The following SLC38A1 variants were observed in gnomAD, a reference collection of about 807,000 sequenced individuals.
SLC38A1 encodes solute carrier family 38 member 1, also known as sodium-coupled neutral amino acid symporter 1.
In SLC38A1, 18 loss-of-function variants were observed where a neutral mutation model predicts 60.3. That is an observed-to-expected ratio of 0.30 (90% CI 0.21 to 0.44). The LOEUF is 0.44. Among genes scored for constraint, SLC38A1 ranks in the 20% least tolerant of loss-of-function variants. The pLI is 1.00. For synonymous variants in SLC38A1, 196 were observed against 212.1 expected, an observed-to-expected ratio of 0.92 and a Z score of 0.66; for missense variants, 448 against 587.2, an observed-to-expected ratio of 0.76 and a Z score of 2.45.
chr12:46,226,254 T>C (rs1234382986), intron 5 of SLC38A1, among the ~76,000 whole-genome samples: 1 of 152,116 alleles, frequency 6.6e-6, no homozygotes, highest in Non-Finnish European at 1.5e-5. Context: ...AACATACAAA[T>C]CTTTTTCTAC....
chr12:46,257,735 C>T (rs912748960), intron 1 of SLC38A1, among the ~76,000 whole-genome samples: 18 of 152,186 alleles, frequency 1.2e-4, no homozygotes, highest in African/African-American at 4.1e-4. Flanking sequence ...GGGGTTTCCT[C>T]ACAATAGTCG....
chr12:46,228,064 G>C (rs911760323), intron 5 of SLC38A1, among the ~76,000 whole-genome samples: 6 of 152,176 alleles, frequency 3.9e-5, no homozygotes, highest in African/African-American at 1.4e-4. Flanking sequence ...GATGCATTCA[G>C]AGTGATCAAG....
intron 16 of SLC38A1, among the ~76,000 whole-genome samples, chr12:46,189,604 C>T (rs940268905): frequency 6.6e-6 from 1 of 152,132 alleles, no homozygotes; most frequent in Non-Finnish European, 1.5e-5. Flanking sequence ...CATAGGTGGA[C>T]AGATGATGAT....
At chr12:46,264,829 C>T (rs1476708185) in intron 1 of SLC38A1, among the ~76,000 whole-genome samples, 1 of 152,160 alleles carries the variant, frequency 6.6e-6, no homozygotes, top group Non-Finnish European at 1.5e-5. Flanking sequence ...CCTTTGCATA[C>T]AAGATGTCTT....
chr12:46,210,618 C>A (rs1415885297), intron 5 of SLC38A1, among the ~76,000 whole-genome samples: 1 of 151,856 alleles, frequency 6.6e-6, no homozygotes, highest in Non-Finnish European at 1.5e-5. Flanking sequence ...GGGAGGGACC[C>A]GGTGGGAGAT....
Position 46,202,995 on chromosome 12 carries a change from A to AAAC in SLC38A1, c.902+12_902+14dup. On this transcript the variant is annotated intron_variant, in intron 12 of 16. Coordinates refer to ENST00000398637, the MANE Select transcript of SLC38A1 (RefSeq NM_030674.4). The stretch of plus-strand genomic sequence containing the variant: ...TGTAAAACGATTAAGATAAAAAATT[A>AAAC]AACAAATTTCTTACTCTTTAAGCTC... 1 of 1,601,802 alleles carries AAAC rather than the reference A, an allele frequency of 6.2e-7. No individual in the cohort carries two copies. The highest frequency in any genetic ancestry group is 1.3e-5 in the African/African-American group (1 of 74,708).
At chr12:46,255,698 T>G (rs1029239759) in intron 1 of SLC38A1, among the ~76,000 whole-genome samples, 1 of 152,144 alleles carries the variant, frequency 6.6e-6, no homozygotes, top group Non-Finnish European at 1.5e-5. Flanking sequence ...CCTTGGTAAG[T>G]TTGGGATTTT....
chr12:46,208,046 G>A (rs1017478463), intron 6 of SLC38A1, among the ~76,000 whole-genome samples: 2 of 152,112 alleles, frequency 1.3e-5, no homozygotes, highest in Non-Finnish European at 2.9e-5. Flanking sequence ...AACTGATTAG[G>A]CAAACAAGGA....
At chr12:46,261,225 A>G (rs756713653) in intron 1 of SLC38A1, among the ~76,000 whole-genome samples, 19 of 152,190 alleles carry the variant, frequency 1.2e-4, no homozygotes, top group Non-Finnish European at 8.8e-5. Flanking sequence ...CCTTTCTCCA[A>G]TGACCAACGC....
intron 3 of SLC38A1, among the ~76,000 whole-genome samples, chr12:46,229,992 A>T (rs1027623033): frequency 1.3e-4 from 20 of 152,210 alleles, no homozygotes; most frequent in African/African-American, 4.8e-4. Context: ...ATACATTTTG[A>T]ATCATTTTAA....
chr12:46,206,834 C>T (rs1492890), intron 8 of SLC38A1, among the ~76,000 whole-genome samples: 33,232 of 152,068 alleles, frequency 0.22, 4,280 homozygotes, highest in Admixed American at 0.31. Context: ...TTTTGTTGCA[C>T]GTTCCACTTT....
In SLC38A1 at chr12:46,187,146, C is replaced by T. The variant is rs1183399349; in HGVS notation, c.*1824G>A. The T allele has an allele frequency of 1.3e-5, 2 of 152,198 alleles. No homozygotes were observed. Among genetic ancestry groups the T allele is most frequent in the Non-Finnish European group, 2.9e-5 (2 of 68,034 alleles). The allele number at this position is 152,198 out of a possible 1,614,324, so 9.4% of individuals were successfully genotyped here. A position where few individuals can be genotyped will look rare whatever the true frequency, so the allele number is the denominator to read the frequency against. Reference sequence around the variant, plus strand: ...ATGATGATGCAATGCAGGAAATAACCTTTCATTCTCCCCCCTAGAGGATCA... The same window carrying T: ...ATGATGATGCAATGCAGGAAATAACTTTTCATTCTCCCCCCTAGAGGATCA... On this transcript the variant is annotated 3_prime_UTR_variant, in exon 17 of 17. Coordinates refer to ENST00000398637, the MANE Select transcript of SLC38A1 (RefSeq NM_030674.4).
chr12:46,202,918 C>A, intron 12 of SLC38A1, 92 bp downstream of exon 12: 2 of 877,942 alleles, frequency 2.3e-6, no homozygotes, highest in Non-Finnish European at 3.6e-6. Context: ...CGCTGACGTT[C>A]ATTAGACAAG....
chr12:46,217,929 C>T (rs146660310), intron 5 of SLC38A1, among the ~76,000 whole-genome samples: 1 of 152,288 alleles, frequency 6.6e-6, no homozygotes, highest in East Asian at 1.9e-4. Flanking sequence ...AAACTAGCCT[C>T]ACTGTCAGTT....
chr12:46,204,580 G>A lies in SLC38A1; in HGVS notation c.657C>T (p.Gly219=). Residue 219 remains glycine, a synonymous_variant, in exon 10 of 17, where the codon GGC becomes GGT. Transcript: ENST00000398637. ...LCLLKNLGYL[G]YTSGFSLSCM... ...AGCTCAAGGAAAATCCACTAGTATA[G>A]CCAAGATACCCTTTAAAAAAAAGTA... The A allele has an allele frequency of 6.2e-7, 1 of 1,600,490 alleles. No individual in the cohort carries two copies.
At chr12:46,250,087 A>C (rs1941780998) in intron 1 of SLC38A1, among the ~76,000 whole-genome samples, 1 of 152,254 alleles carries the variant, frequency 6.6e-6, no homozygotes, top group Non-Finnish European at 1.5e-5. Context: ...GAAAATCCTC[A>C]ATAAAATACT....
intron 1 of SLC38A1, among the ~76,000 whole-genome samples, chr12:46,246,745 A>T (rs565373212): frequency 2.3e-3 from 348 of 152,200 alleles, no homozygotes; most frequent in African/African-American, 7.8e-3. Context: ...ACTGGGAGAC[A>T]CCTCCTAGTA....
chr12:46,192,769 G>A lies in SLC38A1; in HGVS notation c.1363-3698C>T, dbSNP rs192832637. Among the ~76,000 whole-genome samples the A allele has an allele frequency of 5.6e-3, 847 of 152,088 alleles. 12 individuals carry two copies. The highest frequency in any genetic ancestry group is 0.019 in the African/African-American group (809 of 41,494). On this transcript the variant is annotated intron_variant, in intron 16 of 16. Transcript: ENST00000398637. ...TGGTAGTTTGTATTTCTGTGGGATC[G>A]GTGGTGATATCCCCTTTATCATTTT...
chr12:46,191,365 C>T (rs1939137847), intron 16 of SLC38A1, among the ~76,000 whole-genome samples: 1 of 152,112 alleles, frequency 6.6e-6, no homozygotes, highest in East Asian at 1.9e-4. Flanking sequence ...AGTCAGGTAG[C>T]ATGATGCCTC....
Sources: allele counts gnomAD v4.1 joint callset (sites outside exome capture counted in the v4.1 genomes callset), GRCh38; gene constraint gnomAD v4.1.1; transcripts MANE v1.5; gene names NCBI Gene and HGNC (gene_info 2026-07-23, HGNC 2026-07-21).